Variants in DLG2 observed in about 807,000 individuals in gnomAD.
DLG2 encodes disks large homolog 2.
In DLG2, 45 loss-of-function variants were observed where a neutral mutation model predicts 132.5. The ratio of observed to expected loss-of-function variants is 0.34; its 90% CI spans 0.27 to 0.44. The LOEUF (loss-of-function observed/expected upper bound fraction) is 0.44, where lower values mean the gene tolerates loss of function less well. DLG2 is among the 20% of genes least tolerant of loss of function. The probability of loss-of-function intolerance (pLI) is 1.00; values close to 1 mark genes in which losing one functional copy is unlikely to be tolerated. For missense variants in DLG2, 1,045 were observed against 1,196.9 expected, an observed-to-expected ratio of 0.87 and a Z score of 1.87; for synonymous variants, 424 against 419.6, an observed-to-expected ratio of 1.01 and a Z score of -0.13.
At chr11:84,222,430 T>C (rs1278180798) in intron 8 of DLG2, among the ~76,000 whole-genome samples, 4 of 152,152 alleles carry the variant, frequency 2.6e-5, no homozygotes, top group African/African-American at 9.7e-5. Flanking sequence ...TGACTACAAT[T>C]CAGAATTCAA....
intron 6 of DLG2, among the ~76,000 whole-genome samples, chr11:85,037,630 C>T (rs1345024314): frequency 6.6e-6 from 1 of 151,072 alleles, no homozygotes. Context: ...AAACGTAAAC[C>T]CTCTCTTTAT....
At position 84,232,484 on chromosome 11, in the gene DLG2, C is replaced by G. The variant is rs538020957; in HGVS notation, c.573+18754G>C. Among the ~76,000 whole-genome samples the G allele has an allele frequency of 7.2e-5, 11 of 152,266 alleles. No homozygotes were observed. In the East Asian group the frequency reaches 2.1e-3, roughly 29 times the overall value. On this transcript the variant is annotated intron_variant, in intron 8 of 27. Transcript: ENST00000376104. ...CTGAATCACCCTAAAATTTTACCCC[C>G]CTAAAATTCATATACTGAAATCCTA...
intron 5 of DLG2, 53 bp downstream of exon 5, chr11:85,154,503 G>A: frequency 3.3e-6 from 3 of 895,772 alleles, no homozygotes; most frequent in Non-Finnish European, 3.5e-6. Flanking sequence ...CAAAGAACAA[G>A]ACAAGTCTTA....
chr11:85,088,833 C>T (rs1023121754), intron 6 of DLG2, among the ~76,000 whole-genome samples: 12 of 152,148 alleles, frequency 7.9e-5, no homozygotes, highest in Admixed American at 5.2e-4. Flanking sequence ...TCCTAATTTC[C>T]TCTAAACACT....
intron 6 of DLG2, among the ~76,000 whole-genome samples, chr11:84,776,982 GTATC>G (rs926052793): frequency 6.6e-5 from 10 of 151,738 alleles, no homozygotes; most frequent in African/African-American, 2.4e-4. Context: ...GGCTTTTAGG[GTATC>G]CATCACTCAA....
Position 84,419,940 on chromosome 11 carries a change from T to A in DLG2, c.519+114630A>T, listed in dbSNP as rs1021886415. On this transcript the variant is annotated intron_variant, in intron 7 of 27. Coordinates refer to ENST00000376104, the MANE Select transcript of DLG2 (RefSeq NM_001142699.3). The stretch of plus-strand genomic sequence containing the variant: ...TAAATTGGAGATAACCACACCAGTG[T>A]TAATTATGTCAATTAAAACCTTTTC... 2.6e-5 allele frequency among the ~76,000 whole-genome samples: 4 copies of A among 152,218 alleles called. 1 individual carries two copies. The highest frequency in any genetic ancestry group is 9.6e-5 in the African/African-American group (4 of 41,460).
intron 3 of DLG2, among the ~76,000 whole-genome samples, chr11:85,412,896 A>G (rs2089474605): frequency 6.6e-6 from 1 of 151,458 alleles, no homozygotes; most frequent in African/African-American, 2.4e-5. Flanking sequence ...TCTTTTTCGT[A>G]TAATGATTTA....
At chr11:84,022,701 A>G (rs1213677159) in intron 11 of DLG2, among the ~76,000 whole-genome samples, 2 of 152,190 alleles carry the variant, frequency 1.3e-5, no homozygotes, top group African/African-American at 4.8e-5. Context: ...AAAATGAAAA[A>G]GTAGAAAAAT....
intron 18 of DLG2, among the ~76,000 whole-genome samples, chr11:83,669,562 A>C (rs551694293): frequency 1.3e-5 from 2 of 152,302 alleles, no homozygotes; most frequent in South Asian, 4.1e-4. Flanking sequence ...AGGTCCACTT[A>C]ATTAAAAACG....
In DLG2 at chr11:85,008,752, C is replaced by T. The variant is rs181354622; in HGVS notation, c.357+102909G>A. On this transcript the variant is annotated intron_variant, in intron 6 of 27. Transcript: ENST00000376104. ...GTAGACACTGTGATGAGCAATTCTG[C>T]TGTCATTAAACTTATATTCCAGTGG... 3.3e-5 allele frequency among the ~76,000 whole-genome samples: 5 copies of T among 152,146 alleles called. No homozygotes were observed. The East Asian group carries it at 9.7e-4, about 29-fold the overall frequency.
chr11:85,422,714 C>A (rs1044603442), intron 3 of DLG2, among the ~76,000 whole-genome samples: 1 of 152,102 alleles, frequency 6.6e-6, no homozygotes, highest in Non-Finnish European at 1.5e-5. Flanking sequence ...TGGTCTCAAA[C>A]CCCTGACCTC....
chr11:85,480,941 C>A (rs1876872), intron 3 of DLG2, among the ~76,000 whole-genome samples: 1 of 152,094 alleles, frequency 6.6e-6, no homozygotes, highest in East Asian at 1.9e-4. Context: ...TGGTGTAGCA[C>A]AAAGAGACTA....
intron 3 of DLG2, among the ~76,000 whole-genome samples, chr11:85,363,525 G>C (rs934260913): frequency 2.0e-5 from 3 of 152,306 alleles, no homozygotes; most frequent in South Asian, 2.1e-4. Flanking sequence ...ATCTCTGCCA[G>C]ATAATACACA....
intron 8 of DLG2, among the ~76,000 whole-genome samples, chr11:84,172,518 C>CTTATTTATTTATTTAT (rs71066098): frequency 5.2e-5 from 7 of 134,448 alleles, no homozygotes; most frequent in African/African-American, 1.6e-4. Context: ...TTTTTCCATT[C>CTTATTTATTTATTTAT]TTATTTATTT....
At chr11:85,094,212 A>T (rs182862916) in intron 6 of DLG2, among the ~76,000 whole-genome samples, 7 of 152,362 alleles carry the variant, frequency 4.6e-5, no homozygotes, top group Non-Finnish European at 1.0e-4. Flanking sequence ...TCTAGAAAAT[A>T]GGCAGAGTAG....
At chr11:84,644,692 C>T (rs2099672388) in intron 6 of DLG2, among the ~76,000 whole-genome samples, 2 of 133,320 alleles carry the variant, frequency 1.5e-5, no homozygotes, top group African/African-American at 5.8e-5. Flanking sequence ...GGCAACAGAA[C>T]GAGACTCCAT....
chr11:85,494,808 A>C (rs1436059705), intron 3 of DLG2, among the ~76,000 whole-genome samples: 1 of 152,092 alleles, frequency 6.6e-6, no homozygotes. Flanking sequence ...GAAACATAGA[A>C]GATATAATTA....
At chr11:83,994,396 AT>A (rs1420832979) in intron 11 of DLG2, among the ~76,000 whole-genome samples, 1 of 152,058 alleles carries the variant, frequency 6.6e-6, no homozygotes, top group South Asian at 2.1e-4. Flanking sequence ...TTGAAAACTA[AT>A]TTTTTATTTT....
intron 6 of DLG2, among the ~76,000 whole-genome samples, chr11:84,697,913 A>G (rs1256256452): frequency 6.6e-6 from 1 of 151,654 alleles, no homozygotes; most frequent in East Asian, 1.9e-4. Context: ...TTCCACAATA[A>G]AAAGTAATGT....
Sources: allele counts gnomAD v4.1 joint callset (sites outside exome capture counted in the v4.1 genomes callset), GRCh38; gene constraint gnomAD v4.1.1; transcripts MANE v1.5; gene names NCBI Gene and HGNC (gene_info 2026-07-23, HGNC 2026-07-21).